The following ANO2 variants were observed in gnomAD, a reference collection of about 807,000 sequenced individuals.
The protein encoded by ANO2 is anoctamin 2, also known as anoctamin-2.
Under a neutral mutation model 124.2 loss-of-function variants are expected in ANO2, and 101 were observed. The observed-to-expected ratio is 0.81, with a 90% CI of 0.69 to 0.96. ANO2 has a LOEUF of 0.96. Among genes scored for constraint, ANO2 ranks in the 40% least tolerant of loss-of-function variants. The pLI is 0.00. For synonymous variants in ANO2, 486 were observed against 482.5 expected, an observed-to-expected ratio of 1.01 and a Z score of -0.09; for missense variants, 1,293 against 1,274.5, an observed-to-expected ratio of 1.01 and a Z score of -0.22.
In ANO2 at chr12:5,909,614, C is replaced by T. The variant is rs114170211; in HGVS notation, c.534+11426G>A. On this transcript the variant is annotated intron_variant, in intron 3 of 24. Coordinates refer to ENST00000682330, the MANE Select transcript of ANO2 (RefSeq NM_001364791.2). ...TTCAGGCACACCATGGACTAAACAACATGCTTCCAAAGTGCAGTTAGCTGT... is the reference window on the plus strand; with the variant it reads ...TTCAGGCACACCATGGACTAAACAATATGCTTCCAAAGTGCAGTTAGCTGT... Among the ~76,000 whole-genome samples the T allele has an allele frequency of 7.6e-3, 1,152 of 152,342 alleles. 14 individuals carry two copies. Among genetic ancestry groups the T allele is most frequent in the African/African-American group, 0.026 (1,088 of 41,578 alleles).
intron 14 of ANO2, among the ~76,000 whole-genome samples, chr12:5,717,422 T>A (rs560795238): frequency 6.6e-6 from 1 of 152,346 alleles, no homozygotes; most frequent in South Asian, 2.1e-4. Flanking sequence ...GGAGTTGGTT[T>A]TGGACATCTT....
chr12:5,621,259 C>G (rs940338892), intron 16 of ANO2, among the ~76,000 whole-genome samples: 1 of 152,036 alleles, frequency 6.6e-6, no homozygotes, highest in African/African-American at 2.4e-5. Context: ...CAGATGTGCT[C>G]TACTATGAAC....
At chr12:5,834,140 A>C (rs1259764507) in intron 4 of ANO2, among the ~76,000 whole-genome samples, 1 of 152,190 alleles carries the variant, frequency 6.6e-6, no homozygotes, top group Non-Finnish European at 1.5e-5. Context: ...ATGAAGCAGA[A>C]TAATCACCCA....
chr12:5,894,308 T>A (rs1271068691), intron 3 of ANO2, among the ~76,000 whole-genome samples: 1 of 152,232 alleles, frequency 6.6e-6, no homozygotes, highest in Non-Finnish European at 1.5e-5. Context: ...TGTCTGTTCA[T>A]ATCCTTCACC....
intron 10 of ANO2, among the ~76,000 whole-genome samples, chr12:5,780,202 T>C: frequency 6.6e-6 from 1 of 152,188 alleles, no homozygotes; most frequent in East Asian, 1.9e-4. Flanking sequence ...CCTCTATGCA[T>C]ATATTCCTAT....
At chr12:5,681,057 C>G (rs1372019081) in intron 14 of ANO2, among the ~76,000 whole-genome samples, 2 of 152,304 alleles carry the variant, frequency 1.3e-5, no homozygotes, top group Non-Finnish European at 2.9e-5. Flanking sequence ...GCAGTGTCCT[C>G]TCTCCTCCCG....
At chr12:5,760,706 T>A (rs1432711312) in intron 10 of ANO2, among the ~76,000 whole-genome samples, 1 of 152,192 alleles carries the variant, frequency 6.6e-6, no homozygotes, top group African/African-American at 2.4e-5. Context: ...GAAGGTCTTC[T>A]GGATATCTGG....
intron 10 of ANO2, among the ~76,000 whole-genome samples, chr12:5,785,690 T>C (rs1952520708): frequency 1.3e-5 from 2 of 150,000 alleles, no homozygotes; most frequent in East Asian, 3.9e-4. Flanking sequence ...TACACACACA[T>C]ACAAGCACAC....
chr12:5,857,673 T>C (rs1023959128), intron 3 of ANO2, among the ~76,000 whole-genome samples: 2 of 152,192 alleles, frequency 1.3e-5, no homozygotes, highest in Non-Finnish European at 2.9e-5. Context: ...ATGTCTTCTT[T>C]TATGAAGTGT....
intron 14 of ANO2, among the ~76,000 whole-genome samples, chr12:5,653,861 G>T (rs1233285184): frequency 6.6e-6 from 1 of 152,182 alleles, no homozygotes; most frequent in Non-Finnish European, 1.5e-5. Flanking sequence ...ATTAAAGAAT[G>T]ATTAGAGTTT....
chr12:5,606,796 A>G (rs937537963), intron 19 of ANO2, among the ~76,000 whole-genome samples: 1 of 152,158 alleles, frequency 6.6e-6, no homozygotes, highest in African/African-American at 2.4e-5. Context: ...GTTTGTGCAC[A>G]CGCACATACA....
chr12:5,606,024 T>A (rs1944203597), intron 19 of ANO2, among the ~76,000 whole-genome samples: 1 of 152,188 alleles, frequency 6.6e-6, no homozygotes, highest in African/African-American at 2.4e-5. Context: ...TATCATGGCA[T>A]TAGTCACAGA....
At chr12:5,627,260 C>T (rs796324563) in intron 16 of ANO2, among the ~76,000 whole-genome samples, 1 of 152,172 alleles carries the variant, frequency 6.6e-6, no homozygotes, top group African/African-American at 2.4e-5. Context: ...TAGAATCCCC[C>T]CTGGCCAGAC....
intron 3 of ANO2, among the ~76,000 whole-genome samples, chr12:5,858,852 T>C (rs6489665): frequency 0.94 from 142,440 of 152,334 alleles, 67,007 homozygotes; most frequent in East Asian, 1. Flanking sequence ...AGCAGGTCCT[T>C]GCTGGGGAAA....
intron 10 of ANO2, among the ~76,000 whole-genome samples, chr12:5,794,993 G>C (rs1380416040): frequency 1.3e-5 from 2 of 152,192 alleles, no homozygotes; most frequent in Admixed American, 6.5e-5. Flanking sequence ...TAAGAACATG[G>C]CTTCCTCGGT....
rs555767542 is a variant in ANO2, at chr12:5,799,363, G to C, written c.1055+144C>G. 18 of 720,292 alleles carry C rather than the reference G, an allele frequency of 2.5e-5. 1 individual carries two copies. The South Asian group carries it at 3.2e-4, about 13-fold the overall frequency. 44.6% of individuals were successfully genotyped at this position (720,292 alleles called of 1,614,324 possible). A position where few individuals can be genotyped will look rare whatever the true frequency, so the allele number is the denominator to read the frequency against. On this transcript the variant is annotated intron_variant, in intron 10 of 24. Coordinates refer to ENST00000682330, the MANE Select transcript of ANO2 (RefSeq NM_001364791.2). ...TGTCCCCAGCTGCTTCCCCACCCAT[G>C]AGACACAGAGGAGTGGATCATAGAA...
At chr12:5,907,212 A>G (rs890160358) in intron 3 of ANO2, among the ~76,000 whole-genome samples, 1 of 152,184 alleles carries the variant, frequency 6.6e-6, no homozygotes, top group Non-Finnish European at 1.5e-5. Context: ...TTTTATAATT[A>G]TTGTCTATCT....
chr12:5,938,816 ACT>A lies in ANO2; in HGVS notation c.22+6378_22+6379del, dbSNP rs199655619. On this transcript the variant is annotated intron_variant, in intron 1 of 24. Coordinates refer to ENST00000682330, the MANE Select transcript of ANO2 (RefSeq NM_001364791.2). ...CTTCAGCCTGGGCGACAAGAGCAAA[ACT>A]CTGTCTCAAAAAGAAAAAAACAAGA... is the stretch of plus-strand genomic sequence containing the variant. Among the ~76,000 whole-genome samples, 526 of 151,264 alleles carry A rather than the reference ACT, an allele frequency of 3.5e-3. 1 individual carries two copies. Among genetic ancestry groups the A allele is most frequent in the African/African-American group, 9.9e-3 (408 of 41,174 alleles).
At chr12:5,732,026 G>C (rs1320689127) in intron 14 of ANO2, among the ~76,000 whole-genome samples, 1 of 152,180 alleles carries the variant, frequency 6.6e-6, no homozygotes, top group African/African-American at 2.4e-5. Flanking sequence ...TTTACTGGCT[G>C]TGTGACCTCT....
Sources: allele counts gnomAD v4.1 joint callset (sites outside exome capture counted in the v4.1 genomes callset), GRCh38; gene constraint gnomAD v4.1.1; transcripts MANE v1.5; gene names NCBI Gene and HGNC (gene_info 2026-07-23, HGNC 2026-07-21).